The following GRID2 variants were observed in gnomAD, a reference collection of about 807,000 sequenced individuals.
The protein encoded by GRID2 is glutamate receptor ionotropic, delta-2.
Under a neutral mutation model 114.8 loss-of-function variants are expected in GRID2, and 33 were observed. The observed-to-expected ratio is 0.29, with a 90% CI of 0.22 to 0.38. The LOEUF is 0.38. Ranked by LOEUF, GRID2 falls within the 10% of genes least tolerant of loss-of-function variation. GRID2 has a pLI of 1.00. For synonymous variants in GRID2, 505 were observed against 449.9 expected, an observed-to-expected ratio of 1.12 and a Z score of -1.55; for missense variants, 1,184 against 1,257.7, an observed-to-expected ratio of 0.94 and a Z score of 0.89.
intron 4 of GRID2, among the ~76,000 whole-genome samples, chr4:93,143,564 G>A (rs544583964): frequency 6.6e-6 from 1 of 152,216 alleles, no homozygotes; most frequent in South Asian, 2.1e-4. Context: ...TTTTGATGAA[G>A]GTGAAAATTT....
intron 1 of GRID2, among the ~76,000 whole-genome samples, chr4:92,319,227 C>T (rs1726176814): frequency 6.6e-6 from 1 of 151,984 alleles, no homozygotes; most frequent in Admixed American, 6.6e-5. Flanking sequence ...TTTGATTAAT[C>T]AAGAATAATT....
intron 4 of GRID2, among the ~76,000 whole-genome samples, chr4:93,169,143 T>TACACACACACAC (rs33953002): frequency 1.4e-5 from 2 of 138,108 alleles, no homozygotes; most frequent in Admixed American, 7.4e-5. Context: ...CACAATGAAA[T>TACACACACACAC]ACACACACAC....
At chr4:93,055,948 G>T (rs1314545807) in intron 2 of GRID2, among the ~76,000 whole-genome samples, 2 of 151,732 alleles carry the variant, frequency 1.3e-5, no homozygotes, top group African/African-American at 2.4e-5. Flanking sequence ...ATCTCCAAAA[G>T]TCACCTTTTG....
intron 2 of GRID2, among the ~76,000 whole-genome samples, chr4:92,834,738 C>T (rs1742337657): frequency 6.6e-6 from 1 of 152,108 alleles, no homozygotes; most frequent in South Asian, 2.1e-4. Context: ...ACTAATATTT[C>T]TTTGTGTGAT....
At chr4:93,082,867 G>T (rs1729989606) in intron 2 of GRID2, among the ~76,000 whole-genome samples, 1 of 152,136 alleles carries the variant, frequency 6.6e-6, no homozygotes, top group Non-Finnish European at 1.5e-5. Flanking sequence ...GAAGAAACAA[G>T]ATTTTATGCT....
chr4:92,572,809 T>C (rs1340387949), intron 1 of GRID2, among the ~76,000 whole-genome samples: 1 of 152,164 alleles, frequency 6.6e-6, no homozygotes, highest in Non-Finnish European at 1.5e-5. Context: ...TGTCAGATTT[T>C]GGTATCAGAA....
At chr4:93,487,739 G>T (rs945805546) in intron 11 of GRID2, among the ~76,000 whole-genome samples, 1 of 151,610 alleles carries the variant, frequency 6.6e-6, no homozygotes, top group Non-Finnish European at 1.5e-5. Flanking sequence ...TATCTTTCTG[G>T]GTTATTTTCT....
chr4:92,518,166 T>C (rs1724595598), intron 1 of GRID2, among the ~76,000 whole-genome samples: 1 of 151,782 alleles, frequency 6.6e-6, no homozygotes, highest in African/African-American at 2.4e-5. Context: ...CCTTTTTTTT[T>C]CTTTCTCTGT....
chr4:93,266,520 T>C (rs1201654598), intron 8 of GRID2, among the ~76,000 whole-genome samples: 1 of 152,066 alleles, frequency 6.6e-6, no homozygotes, highest in African/African-American at 2.4e-5. Flanking sequence ...TGACCCAAGC[T>C]AGACCAGCCA....
At chr4:92,425,019 G>C (rs1369371055) in intron 1 of GRID2, among the ~76,000 whole-genome samples, 1 of 151,832 alleles carries the variant, frequency 6.6e-6, no homozygotes, top group African/African-American at 2.4e-5. Flanking sequence ...TTTTAAGGCA[G>C]TTAAATTTTT....
intron 2 of GRID2, among the ~76,000 whole-genome samples, chr4:92,742,746 A>G (rs1197735384): frequency 6.6e-6 from 1 of 152,202 alleles, no homozygotes; most frequent in Admixed American, 6.5e-5. Context: ...AGGAACTTTC[A>G]TCCTCACAGC....
At chr4:93,087,141 T>A (rs921913221) in intron 3 of GRID2, among the ~76,000 whole-genome samples, 1 of 151,346 alleles carries the variant, frequency 6.6e-6, no homozygotes, top group Non-Finnish European at 1.5e-5. Context: ...TTCAAGAGAG[T>A]CTTCTGCCTC....
intron 2 of GRID2, among the ~76,000 whole-genome samples, chr4:92,916,810 C>CA (rs1300164394): frequency 6.6e-6 from 1 of 152,108 alleles, no homozygotes; most frequent in Non-Finnish European, 1.5e-5. Context: ...AATAGTGCCG[C>CA]AATAAACATA....
intron 11 of GRID2, among the ~76,000 whole-genome samples, chr4:93,483,820 C>G (rs1462619940): frequency 6.6e-6 from 1 of 151,830 alleles, no homozygotes; most frequent in Admixed American, 6.6e-5. Flanking sequence ...TTAAACTTAT[C>G]AAGGGCTATA....
At chr4:92,479,796 C>G (rs1240921514) in intron 1 of GRID2, among the ~76,000 whole-genome samples, 1 of 152,058 alleles carries the variant, frequency 6.6e-6, no homozygotes, top group Non-Finnish European at 1.5e-5. Flanking sequence ...CTGTGGGCTT[C>G]AGTTAGCTAA....
At chr4:93,489,442 A>G (rs1560674043) in intron 11 of GRID2, among the ~76,000 whole-genome samples, 1 of 151,876 alleles carries the variant, frequency 6.6e-6, no homozygotes, top group African/African-American at 2.4e-5. Context: ...CTTGGTAGAG[A>G]TTTTTATTTT....
At chr4:92,626,536 A>C (rs901591789) in intron 2 of GRID2, among the ~76,000 whole-genome samples, 2 of 151,966 alleles carry the variant, frequency 1.3e-5, no homozygotes, top group Non-Finnish European at 2.9e-5. Flanking sequence ...TGTGGAGAAA[A>C]ATCTCTTCTG....
chr4:92,885,569 C>T (rs988473641), intron 2 of GRID2, among the ~76,000 whole-genome samples: 2 of 152,152 alleles, frequency 1.3e-5, no homozygotes, highest in Admixed American at 6.5e-5. Flanking sequence ...ATTTCAAAAT[C>T]AAACATATTC....
chr4:92,784,805 A>G (rs551060168), intron 2 of GRID2, among the ~76,000 whole-genome samples: 4 of 152,004 alleles, frequency 2.6e-5, no homozygotes, highest in African/African-American at 9.6e-5. Flanking sequence ...GATCCATGTG[A>G]AAGTAATTTT....
Sources: gnomAD v4.1 joint callset for allele counts (sites outside exome capture counted in the v4.1 genomes callset) on GRCh38, gnomAD v4.1.1 for gene constraint, MANE v1.5 for transcripts, NCBI Gene and HGNC (gene_info 2026-07-23, HGNC 2026-07-21) for gene names.